The following KCNH8 variants were observed in gnomAD, a reference collection of about 807,000 sequenced individuals.
The protein encoded by KCNH8 is voltage-gated delayed rectifier potassium channel KCNH8.
In KCNH8, 70 loss-of-function variants were observed where a neutral mutation model predicts 103.6. That is an observed-to-expected ratio of 0.68 (90% CI 0.56 to 0.82). The LOEUF (loss-of-function observed/expected upper bound fraction) is 0.82. KCNH8 is among the 40% of genes least tolerant of loss of function. The pLI is 0.00. For missense variants in KCNH8, 1,217 were observed against 1,329.9 expected (o/e 0.92, Z 1.32); for synonymous variants, 498 against 489.4 (o/e 1.02, Z -0.23).
intron 5 of KCNH8, among the ~76,000 whole-genome samples, chr3:19,352,896 A>C (rs527241546): frequency 1.3e-5 from 2 of 152,356 alleles, no homozygotes; most frequent in South Asian, 4.1e-4. Context: ...AGCAGAGCTA[A>C]AGGAGATAGA....
At chr3:19,291,563 T>G (rs1019992415) in intron 3 of KCNH8, among the ~76,000 whole-genome samples, 2 of 152,128 alleles carry the variant, frequency 1.3e-5, no homozygotes, top group Non-Finnish European at 2.9e-5. Flanking sequence ...TTTGAGTGAG[T>G]TTCTTAATCC....
chr3:19,500,602 A>T (rs1410746906), intron 11 of KCNH8, among the ~76,000 whole-genome samples: 1 of 152,248 alleles, frequency 6.6e-6, no homozygotes, highest in African/African-American at 2.4e-5. Flanking sequence ...TAGTGCAATC[A>T]AACTAGAATT....
chr3:19,162,924 T>C (rs2063248075), intron 1 of KCNH8, among the ~76,000 whole-genome samples: 1 of 152,118 alleles, frequency 6.6e-6, no homozygotes, highest in Non-Finnish European at 1.5e-5. Context: ...GAATTTAAAA[T>C]ATCCTGTATA....
rs915053783 is a variant in KCNH8 at position 19,340,144 on chromosome 3, C to T, written c.443-2443C>T. On this transcript the variant is annotated intron_variant, in intron 3 of 15. Coordinates refer to ENST00000328405, the MANE Select transcript of KCNH8 (RefSeq NM_144633.3). ...AATAATAAATTTGGAAGATCTAGAA[C>T]AGAGCCTGGCGCACAGTAGGCATCA... Among the ~76,000 whole-genome samples, 32 of 151,976 alleles carry T rather than the reference C, an allele frequency of 2.1e-4. 1 individual carries two copies. Among genetic ancestry groups the T allele is most frequent in the African/African-American group, 7.7e-4 (32 of 41,366 alleles).
chr3:19,206,426 C>T (rs937652760), intron 1 of KCNH8, among the ~76,000 whole-genome samples: 1 of 151,612 alleles, frequency 6.6e-6, no homozygotes, highest in African/African-American at 2.4e-5. Context: ...AGTAGATGAA[C>T]TGGAGTGGAA....
intron 1 of KCNH8, among the ~76,000 whole-genome samples, chr3:19,233,139 G>C (rs1218993826): frequency 6.8e-5 from 9 of 131,476 alleles, no homozygotes; most frequent in Non-Finnish European, 1.1e-4. Flanking sequence ...GTTAATTCTT[G>C]ATACTGTTGA....
intron 3 of KCNH8, among the ~76,000 whole-genome samples, chr3:19,341,365 T>C (rs1442138553): frequency 6.6e-6 from 1 of 152,134 alleles, no homozygotes; most frequent in African/African-American, 2.4e-5. Flanking sequence ...TGGCCAATTA[T>C]CATTTCAGAG....
chr3:19,243,123 G>GT (rs2064163194), intron 1 of KCNH8, among the ~76,000 whole-genome samples: 1 of 152,120 alleles, frequency 6.6e-6, no homozygotes, highest in South Asian at 2.1e-4. Flanking sequence ...AGCGTCTGGC[G>GT]TATCACAGCT....
chr3:19,365,277 C>T (rs2065995944), intron 5 of KCNH8, among the ~76,000 whole-genome samples: 1 of 152,098 alleles, frequency 6.6e-6, no homozygotes, highest in South Asian at 2.1e-4. Flanking sequence ...CTGTCAATTA[C>T]AGCCATTCCA....
intron 1 of KCNH8, among the ~76,000 whole-genome samples, chr3:19,186,365 G>A (rs1028886039): frequency 2.6e-5 from 4 of 151,264 alleles, no homozygotes; most frequent in African/African-American, 9.7e-5. Context: ...ACTTGCACAT[G>A]CCTTTTGTTT....
Position 19,533,597 on chromosome 3 carries a change from G to A in KCNH8, c.2822G>A (p.Gly941Glu), listed in dbSNP as rs2069207709. 1.2e-6 allele frequency: 2 copies of A among 1,614,162 alleles called. No individual in the cohort carries two copies. The highest frequency in any genetic ancestry group is 1.7e-6 in the Non-Finnish European group (2 of 1,180,020). The part of the protein sequence containing the change: ...HQPCLHLQTG[G>E]AAYTQAQLCS... ...CCTTGCCTACACTTGCAAACAGGCG[G>A]GGCTGCTTATACCCAAGCACAACTT... Residue 941 changes from glycine (G) to glutamate (E), a missense_variant, in exon 16 of 16, where the codon GGG (glycine) becomes GAG (glutamate). Coordinates refer to ENST00000328405, the MANE Select transcript of KCNH8 (RefSeq NM_144633.3).
At chr3:19,422,802 C>A (rs550325480) in intron 7 of KCNH8, among the ~76,000 whole-genome samples, 1 of 152,076 alleles carries the variant, frequency 6.6e-6, no homozygotes, top group Admixed American at 6.5e-5. Flanking sequence ...TACCTATAGG[C>A]AGATAACCAG....
intron 12 of KCNH8, among the ~76,000 whole-genome samples, chr3:19,512,117 A>G (rs1342726718): frequency 6.6e-6 from 1 of 152,228 alleles, no homozygotes; most frequent in Admixed American, 6.5e-5. Flanking sequence ...AAAAGTGAGC[A>G]GAGAAGCCAT....
intron 1 of KCNH8, among the ~76,000 whole-genome samples, chr3:19,182,050 A>G (rs1243647613): frequency 6.6e-6 from 1 of 152,190 alleles, no homozygotes; most frequent in Non-Finnish European, 1.5e-5. Context: ...CAAACAAACA[A>G]AAAAACCAAA....
chr3:19,166,208 C>CT (rs959247086), intron 1 of KCNH8, among the ~76,000 whole-genome samples: 1 of 152,132 alleles, frequency 6.6e-6, no homozygotes, highest in African/African-American at 2.4e-5. Context: ...GGTTAGACAT[C>CT]TTTTTTTGTA....
intron 1 of KCNH8, among the ~76,000 whole-genome samples, chr3:19,206,917 G>C (rs949796163): frequency 6.6e-6 from 1 of 152,052 alleles, no homozygotes; most frequent in Non-Finnish European, 1.5e-5. Flanking sequence ...AAGAGAAAGA[G>C]CAAGACAAAG....
At chr3:19,309,270 T>C (rs1463618261) in intron 3 of KCNH8, among the ~76,000 whole-genome samples, 1 of 151,962 alleles carries the variant, frequency 6.6e-6, no homozygotes, top group Non-Finnish European at 1.5e-5. Flanking sequence ...GAGAGGGATG[T>C]TCCCTCAAAA....
In KCNH8 at chr3:19,376,201, G is replaced by T. The variant is rs1353453126; in HGVS notation, c.812-14280G>T. Among the ~76,000 whole-genome samples, 3 of 152,284 alleles carry T rather than the reference G, an allele frequency of 2.0e-5. No individual in the cohort carries two copies. In the East Asian group the frequency reaches 5.8e-4, roughly 29 times the overall value. ...TGGCGGGCGCCCCTCCCCCAGCCTCGCTGCCGCCTTGCAGTTTGATCTCAG... is the reference window on the plus strand; with the variant it reads ...TGGCGGGCGCCCCTCCCCCAGCCTCTCTGCCGCCTTGCAGTTTGATCTCAG... On this transcript the variant is annotated intron_variant, in intron 5 of 15. Transcript: ENST00000328405.
At chr3:19,249,922 T>A (rs2064254436) in intron 1 of KCNH8, among the ~76,000 whole-genome samples, 3 of 152,126 alleles carry the variant, frequency 2.0e-5, no homozygotes, top group Admixed American at 2.0e-4. Context: ...CTTTATGGGG[T>A]ATCCTATATT....
Sources: gnomAD v4.1 joint callset for allele counts (sites outside exome capture counted in the v4.1 genomes callset) on GRCh38, gnomAD v4.1.1 for gene constraint, MANE v1.5 for transcripts, NCBI Gene and HGNC (gene_info 2026-07-23, HGNC 2026-07-21) for gene names.